The following VANGL2 variants were observed in gnomAD, a reference collection of about 807,000 sequenced individuals.
The protein encoded by VANGL2 is vang-like protein 2.
Under a neutral mutation model 50.2 loss-of-function variants are expected in VANGL2, and 14 were observed. The observed-to-expected ratio is 0.28, with a 90% CI of 0.18 to 0.44. The LOEUF is 0.44. VANGL2 is among the 20% of genes least tolerant of loss of function. The probability of loss-of-function intolerance (pLI) is 1.00; values close to 1 mark genes in which losing one functional copy is unlikely to be tolerated. For synonymous variants in VANGL2, 295 were observed against 297.2 expected, an observed-to-expected ratio of 0.99 and a Z score of 0.08; for missense variants, 533 against 701.5, an observed-to-expected ratio of 0.76 and a Z score of 2.71.
At chr1:160,418,053 A>G (rs1161895078) in intron 3 of VANGL2, among the ~76,000 whole-genome samples, 1 of 152,026 alleles carries the variant, frequency 6.6e-6, no homozygotes, top group Admixed American at 6.6e-5. Flanking sequence ...CTGGGATTAC[A>G]GGCATGTGCC....
chr1:160,415,044 G>T (rs1480591090), intron 1 of VANGL2, among the ~76,000 whole-genome samples: 1 of 152,130 alleles, frequency 6.6e-6, no homozygotes, highest in Non-Finnish European at 1.5e-5. Context: ...CTCACCTGGG[G>T]CTGTGCATAT....
chr1:160,423,345 C>T (rs962760228), intron 6 of VANGL2, among the ~76,000 whole-genome samples: 10 of 152,190 alleles, frequency 6.6e-5, no homozygotes, highest in African/African-American at 2.2e-4. Context: ...ATACTCCCAA[C>T]ATCCTATCCA....
At chr1:160,424,431 A>T (rs1651379340) in intron 7 of VANGL2, 148 bp downstream of exon 7, 2 of 887,322 alleles carry the variant, frequency 2.3e-6, no homozygotes, top group Admixed American at 2.0e-5. Context: ...CTTCTCTCTC[A>T]TTCCTATTCC....
At chr1:160,416,023 C>T (rs376134392) in intron 2 of VANGL2, 39 bp from the exon 3 acceptor site, 19 of 1,614,040 alleles carry the variant, frequency 1.2e-5, no homozygotes, top group Non-Finnish European at 1.5e-5. Context: ...CCTGGTCCAC[C>T]ACTGGACTTT....
At chr1:160,418,121 A>C (rs1050021937) in intron 3 of VANGL2, among the ~76,000 whole-genome samples, 1 of 152,010 alleles carries the variant, frequency 6.6e-6, no homozygotes, top group African/African-American at 2.4e-5. Flanking sequence ...GGATTTCTCC[A>C]TGTTGGTCAG....
intron 1 of VANGL2, among the ~76,000 whole-genome samples, chr1:160,411,863 G>GGTGT (rs144604516): frequency 4.0e-5 from 6 of 150,376 alleles, no homozygotes; most frequent in African/African-American, 7.3e-5. Context: ...GGTTCTGGTT[G>GGTGT]GTGTGTGTGT....
At chr1:160,420,265 C>G (rs184257773) in intron 4 of VANGL2, 146 bp from the exon 5 acceptor site, 2 of 1,066,508 alleles carry the variant, frequency 1.9e-6, no homozygotes, top group African/African-American at 3.1e-5. Context: ...GTAAGTAGAC[C>G]TCAGGCCCGG....
intron 1 of VANGL2, among the ~76,000 whole-genome samples, chr1:160,407,670 G>T (rs1650727663): frequency 6.6e-6 from 1 of 152,186 alleles, no homozygotes; most frequent in Admixed American, 6.5e-5. Flanking sequence ...GAAGAGGGGG[G>T]CATTTGTTTT....
chr1:160,415,792 C>T lies in VANGL2; in HGVS notation c.-46C>T, dbSNP rs1651032343. On this transcript the variant is annotated 5_prime_UTR_variant, in exon 2 of 8. Transcript: ENST00000368061. ...TGGCTGTGGGGCCCCCCAAGAGGCC[C>T]CAGCCTGCGGCCCTGGAGCGCTACA... 1 of 1,594,054 alleles carries T rather than the reference C, an allele frequency of 6.3e-7. No homozygotes were observed. Among genetic ancestry groups the T allele is most frequent in the Non-Finnish European group, 8.5e-7 (1 of 1,171,776 alleles).
chr1:160,419,450 G>T lies in VANGL2; in HGVS notation c.641G>T (p.Gly214Val). The T allele has an allele frequency of 6.2e-7, 1 of 1,610,404 alleles. No homozygotes were observed. Residue 214 changes from glycine to valine, a missense_variant, in exon 4 of 8, where the codon GGC becomes GTC. By Grantham distance (109) the Gly-to-Val change is moderately radical. Coordinates refer to ENST00000368061, the MANE Select transcript of VANGL2 (RefSeq NM_020335.3). The surrounding 1 kb of genome is among the most constrained non-coding windows in gnomAD (Gnocchi z 5.8). Reference sequence around the variant, plus strand: ...GATGCTCGGGAGCGCAGCTACCAGGGCGTGGTGCAGTTCGCCGTGTCGCTG... The same window carrying T: ...GATGCTCGGGAGCGCAGCTACCAGGTCGTGGTGCAGTTCGCCGTGTCGCTG... Reference protein sequence around the residue: ...ILDARERSYQGVVQFAVSLVD... With the variant: ...ILDARERSYQVVVQFAVSLVD...
intron 1 of VANGL2, among the ~76,000 whole-genome samples, chr1:160,404,991 G>A (rs1650602184): frequency 6.6e-6 from 1 of 152,100 alleles, no homozygotes; most frequent in South Asian, 2.1e-4. Flanking sequence ...CTATGGGCTT[G>A]GTAGAGTTGG....
At position 160,415,990 on chromosome 1, in the gene VANGL2, G is replaced by A. The variant is rs771516674; in HGVS notation, c.72-72G>A. ...AGGTGGGCACGTGCAGGGGTGGTAG[G>A]GTAGAGTGGCTGCTGAGAAGACCCT... On this transcript the variant is annotated intron_variant, in intron 2 of 7. Transcript: ENST00000368061. 8 of 1,614,082 alleles carry A rather than the reference G, an allele frequency of 5.0e-6. No homozygotes were observed. The South Asian group carries it at 7.7e-5, about 16-fold the overall frequency.
chr1:160,405,652 G>A (rs1650630510), intron 1 of VANGL2, among the ~76,000 whole-genome samples: 2 of 151,928 alleles, frequency 1.3e-5, no homozygotes, highest in African/African-American at 4.8e-5. Context: ...ATGAAGCTGG[G>A]GGCTGGGTAG....
chr1:160,419,389 G>T lies in VANGL2; in HGVS notation c.580G>T (p.Val194Phe), dbSNP rs769016054. 1.2e-6 allele frequency: 2 copies of T among 1,612,422 alleles called. No homozygotes were observed. The highest frequency in any genetic ancestry group is 8.5e-7 in the Non-Finnish European group (1 of 1,180,016). The change falls in exon 4 of 8, where the codon GTC (valine) becomes TTC (phenylalanine). Residue 194 changes from valine to phenylalanine, a missense_variant. Coordinates refer to ENST00000368061, the MANE Select transcript of VANGL2 (RefSeq NM_020335.3). The surrounding 1 kb of genome is among the most constrained non-coding windows in gnomAD (Gnocchi z 5.8). ...TATGGTGCTGGTTTTCCTGCTCGTG[G>T]TCTCCTACTGGCTCTTCTATGGTGT... Reference protein sequence around the residue: ...LLMVLVFLLVVSYWLFYGVRI... With the variant: ...LLMVLVFLLVFSYWLFYGVRI...
In VANGL2 at chr1:160,415,682, CCGT is replaced by C. The variant is rs1262303951; in HGVS notation, c.-154_-152del. On this transcript the variant is annotated 5_prime_UTR_variant, in exon 2 of 8. Coordinates refer to ENST00000368061, the MANE Select transcript of VANGL2 (RefSeq NM_020335.3). ...TGGATTTTCTCTGAGACAAGCCCAC[CCGT>C]CCAGCAAAATAGAGTCCCTCAGGGT... The C allele has an allele frequency of 1.2e-6, 1 of 839,018 alleles. No homozygotes were observed. Among genetic ancestry groups the C allele is most frequent in the African/African-American group, 1.7e-5 (1 of 58,678 alleles). 52.0% of individuals were successfully genotyped at this position (839,018 alleles called of 1,614,324 possible). A position where few individuals can be genotyped will look rare whatever the true frequency, so the allele number is the denominator to read the frequency against.
intron 6 of VANGL2, 112 bp from the exon 7 acceptor site, chr1:160,423,940 G>A (rs1038553224): frequency 2.5e-6 from 3 of 1,183,438 alleles, no homozygotes; most frequent in South Asian, 2.5e-5. Context: ...TACTTTGGGT[G>A]AGCACAAAGG....
chr1:160,419,108 C>A lies in VANGL2; in HGVS notation c.299C>A (p.Pro100His). ...GCCAAGGACATGGAGGACAGTGTCC[C>A]TCTGGACTGCTCCCGTCACCTGGGT... ...RIAKDMEDSV[P>H]LDCSRHLGVA... The change falls in exon 4 of 8, where the codon CCT (proline) becomes CAT (histidine). Residue 100 changes from proline to histidine, a missense_variant. Coordinates refer to ENST00000368061, the MANE Select transcript of VANGL2 (RefSeq NM_020335.3). The surrounding 1 kb of genome is among the most constrained non-coding windows in gnomAD (Gnocchi z 5.8). The A allele has an allele frequency of 1.2e-6, 2 of 1,614,184 alleles. No individual in the cohort carries two copies. The highest frequency in any genetic ancestry group is 1.7e-6 in the Non-Finnish European group (2 of 1,180,026).
Position 160,419,376 on chromosome 1 carries a change from T to G in VANGL2, c.567T>G (p.Val189=), listed in dbSNP as rs1336443261. 6.2e-7 allele frequency: 1 copy of G among 1,612,320 alleles called. No individual in the cohort carries two copies. The highest frequency in any genetic ancestry group is 1.3e-5 in the African/African-American group (1 of 74,934). The change falls in exon 4 of 8, where the codon GTT becomes GTG. Residue 189 remains valine (V), a synonymous_variant. Coordinates refer to ENST00000368061, the MANE Select transcript of VANGL2 (RefSeq NM_020335.3). The surrounding 1 kb of genome is among the most constrained non-coding windows in gnomAD (Gnocchi z 5.8). Reference sequence around the variant, plus strand: ...TGCGTGCCCTGCTTATGGTGCTGGTTTTCCTGCTCGTGGTCTCCTACTGGC... The same window carrying G: ...TGCGTGCCCTGCTTATGGTGCTGGTGTTCCTGCTCGTGGTCTCCTACTGGC... The part of the protein sequence containing the change: ...FVLRALLMVL[V]FLLVVSYWLF...
chr1:160,423,137 C>T (rs1651329201), intron 6 of VANGL2, among the ~76,000 whole-genome samples: 1 of 152,154 alleles, frequency 6.6e-6, no homozygotes, highest in East Asian at 1.9e-4. Flanking sequence ...AACTCCTGAC[C>T]TCAGGTGATC....
Sources: gnomAD v4.1 joint callset for allele counts (sites outside exome capture counted in the v4.1 genomes callset) on GRCh38, gnomAD v4.1.1 for gene constraint, Gnocchi (gnomAD v3.1) non-coding constraint, MANE v1.5 for transcripts, NCBI Gene and HGNC (gene_info 2026-07-23, HGNC 2026-07-21) for gene names.